The following RCC1 variants were observed in gnomAD, a reference collection of about 807,000 sequenced individuals.
The protein encoded by RCC1 is regulator of chromosome condensation 1, also known as regulator of chromosome condensation.
In RCC1, 11 loss-of-function variants were observed where a neutral mutation model predicts 44.4. The observed-to-expected ratio is 0.25, with a 90% CI of 0.16 to 0.41. The LOEUF (loss-of-function observed/expected upper bound fraction) is 0.41. Ranked by LOEUF, RCC1 falls within the 10% of genes least tolerant of loss-of-function variation. The pLI is 1.00. For synonymous variants in RCC1, 213 were observed against 216.5 expected, an observed-to-expected ratio of 0.98 and a Z score of 0.14; for missense variants, 386 against 547.1, an observed-to-expected ratio of 0.71 and a Z score of 2.94.
intron 7 of RCC1, among the ~76,000 whole-genome samples, chr1:28,534,647 ATTTTTGTAT>A (rs2124666517): frequency 6.6e-6 from 1 of 152,036 alleles, no homozygotes; most frequent in African/African-American, 2.4e-5. Flanking sequence ...CGCCCAGCTA[ATTTTTGTAT>A]TTTTTGTAGG....
chr1:28,526,449 C>T, intron 4 of RCC1: 1 of 510,866 alleles, frequency 2.0e-6, no homozygotes. Context: ...GTTTATGTGG[C>T]CCAAAGCACC....
At chr1:28,526,959 C>A (rs1430392780) in intron 4 of RCC1, 1 of 862,334 alleles carries the variant, frequency 1.2e-6, no homozygotes, top group Non-Finnish European at 2.0e-6. Context: ...TATTTCCCCT[C>A]AAAGTCATCA....
intron 4 of RCC1, among the ~76,000 whole-genome samples, chr1:28,529,165 G>A (rs1276587669): frequency 7.0e-6 from 1 of 143,016 alleles, no homozygotes; most frequent in Non-Finnish European, 1.5e-5. Context: ...TTACAGGCGT[G>A]AGCCACCGCG....
chr1:28,508,420 C>T (rs1662207296), intron 2 of RCC1: 1 of 379,884 alleles, frequency 2.6e-6, no homozygotes, highest in Non-Finnish European at 5.3e-6. Flanking sequence ...AAAAGCTGCC[C>T]TAGTGAACTG....
chr1:28,535,706 G>A, intron 9 of RCC1, 165 bp from the exon 10 acceptor site: 2 of 834,556 alleles, frequency 2.4e-6, no homozygotes, highest in South Asian at 2.8e-5. Flanking sequence ...ATCTGAGCAA[G>A]GCACTTGTAT....
rs765404213 is a variant in RCC1 at position 28,506,050 on chromosome 1, G to A, written c.-296G>A. 8.8e-6 allele frequency: 4 copies of A among 456,012 alleles called. No individual in the cohort carries two copies. The highest frequency in any genetic ancestry group is 1.3e-5 in the Non-Finnish European group (3 of 226,792). The allele number at this position is 456,012 out of a possible 1,614,324, so 28.2% of individuals were successfully genotyped here. A position where few individuals can be genotyped will look rare whatever the true frequency, so the allele number is the denominator to read the frequency against. Reference sequence around the variant, plus strand: ...GCTTCGCGTTTTCTCTCTCCTTTTTGGAGACAGATTCGCAGTGGTCGCTTC... The same window carrying A: ...GCTTCGCGTTTTCTCTCTCCTTTTTAGAGACAGATTCGCAGTGGTCGCTTC... On this transcript the variant is annotated 5_prime_UTR_variant, in exon 1 of 13. Transcript: ENST00000683442.
At position 28,533,914 on chromosome 1, in the gene RCC1, A is replaced by G. The variant is rs921749260; in HGVS notation, c.442-1136A>G. The stretch of plus-strand genomic sequence containing the variant: ...TTTTTTTGAGACAGAGTCTTGCTCT[A>G]TCACCCAGGTTGGAGTGCAATGACA... On this transcript the variant is annotated intron_variant, in intron 7 of 12. Coordinates refer to ENST00000683442, the MANE Select transcript of RCC1 (RefSeq NM_001381865.2). Among the ~76,000 whole-genome samples, 27 of 75,630 alleles carry G rather than the reference A, an allele frequency of 3.6e-4. No individual in the cohort carries two copies. In the Admixed American group the frequency reaches 5.2e-3, roughly 14 times the overall value. The allele number at this position is 75,630 out of a possible 152,430, so 49.6% of individuals were successfully genotyped here. A position where few individuals can be genotyped will look rare whatever the true frequency, so the allele number is the denominator to read the frequency against.
At chr1:28,537,562 G>A (rs1382616802) in intron 12 of RCC1, among the ~76,000 whole-genome samples, 3 of 152,226 alleles carry the variant, frequency 2.0e-5, no homozygotes, top group Non-Finnish European at 2.9e-5. Flanking sequence ...GGCTGGTCCT[G>A]GGAACAGAGG....
At chr1:28,520,369 A>G (rs892924052) in intron 4 of RCC1, among the ~76,000 whole-genome samples, 1 of 152,182 alleles carries the variant, frequency 6.6e-6, no homozygotes, top group African/African-American at 2.4e-5. Context: ...TCAGGGCAGG[A>G]GCACCAGGCT....
intron 5 of RCC1, chr1:28,530,433 C>G (rs943856774): frequency 1.6e-6 from 2 of 1,233,532 alleles, no homozygotes; most frequent in Non-Finnish European, 2.3e-6. Context: ...GTCCTGGGAC[C>G]CCGGAGGGGG....
intron 4 of RCC1, among the ~76,000 whole-genome samples, chr1:28,523,851 T>A (rs1261591490): frequency 6.6e-6 from 1 of 152,184 alleles, no homozygotes; most frequent in Non-Finnish European, 1.5e-5. Flanking sequence ...AGTTTCACTC[T>A]TGTTGCCCAG....
At position 28,536,869 on chromosome 1, in the gene RCC1, G is replaced by T; in HGVS notation, c.1060G>T (p.Ala354Ser). 1 of 1,614,094 alleles carries T rather than the reference G, an allele frequency of 6.2e-7. No homozygotes were observed. Among genetic ancestry groups the T allele is most frequent in the Non-Finnish European group, 8.5e-7 (1 of 1,180,012 alleles). ...TGCTGTCTCCTCGGTGGCTTGTGGGGCCTCTGTGGGGTATGCTGTGACCAA... is the reference window on the plus strand; with the variant it reads ...TGCTGTCTCCTCGGTGGCTTGTGGGTCCTCTGTGGGGTATGCTGTGACCAA... ...LPAVSSVACG[A>S]SVGYAVTKDG... The change falls in exon 12 of 13, where the codon GCC becomes TCC. Residue 354 changes from alanine (A) to serine (S), a missense_variant. Ala to Ser is a moderately conservative substitution (Grantham distance 99). Transcript: ENST00000683442. The surrounding 1 kb of genome is among the most constrained non-coding windows in gnomAD (Gnocchi z 4.9).
At chr1:28,520,740 CA>C (rs1663216152) in intron 4 of RCC1, among the ~76,000 whole-genome samples, 1 of 152,062 alleles carries the variant, frequency 6.6e-6, no homozygotes, top group Non-Finnish European at 1.5e-5. Context: ...TGCCAAAAGC[CA>C]ACTCCTTATT....
intron 4 of RCC1, among the ~76,000 whole-genome samples, chr1:28,521,737 A>G (rs1245821597): frequency 1.3e-5 from 2 of 152,004 alleles, no homozygotes; most frequent in Non-Finnish European, 2.9e-5. Context: ...TAGCTGCCTC[A>G]TTGTCTCCTC....
At chr1:28,508,708 C>T (rs185270443) in intron 2 of RCC1, 122 bp from the exon 3 acceptor site, 120 of 519,092 alleles carry the variant, frequency 2.3e-4, no homozygotes, top group Non-Finnish European at 4.3e-4. Context: ...ATTCCTACAG[C>T]TTCCCAGAGT....
chr1:28,529,108 C>T (rs557748353), intron 4 of RCC1, among the ~76,000 whole-genome samples: 49 of 147,146 alleles, frequency 3.3e-4, no homozygotes, highest in African/African-American at 1.2e-3. Context: ...CTCCTGACCT[C>T]AAGTGATCCA....
intron 3 of RCC1, chr1:28,510,321 G>C (rs1186826563): frequency 1.3e-5 from 2 of 152,230 alleles, no homozygotes; most frequent in Admixed American, 1.3e-4. Context: ...AAGCTAAGAG[G>C]AGTGAGGCAG....
chr1:28,511,128 A>G lies in RCC1; in HGVS notation c.-153+2223A>G, dbSNP rs565189330. On this transcript the variant is annotated intron_variant, in intron 3 of 12. Coordinates refer to ENST00000683442, the MANE Select transcript of RCC1 (RefSeq NM_001381865.2). ...TGTAGGCAGACAGTATTGGTTGCCTATCTTAGGAGTACTAGACTGGGTTTG... is the reference window on the plus strand; with the variant it reads ...TGTAGGCAGACAGTATTGGTTGCCTGTCTTAGGAGTACTAGACTGGGTTTG... Among the ~76,000 whole-genome samples the G allele has an allele frequency of 2.0e-4, 31 of 152,252 alleles. No homozygotes were observed. In the Middle Eastern group the frequency reaches 0.014, roughly 67 times the overall value.
intron 4 of RCC1, among the ~76,000 whole-genome samples, chr1:28,520,960 G>A (rs1663230454): frequency 6.6e-6 from 1 of 152,008 alleles, no homozygotes; most frequent in South Asian, 2.1e-4. Context: ...TGCGCCTGTA[G>A]TCCCAGCACT....
Sources: gnomAD v4.1 joint callset for allele counts (sites outside exome capture counted in the v4.1 genomes callset) on GRCh38, gnomAD v4.1.1 for gene constraint, Gnocchi (gnomAD v3.1) non-coding constraint, MANE v1.5 for transcripts, NCBI Gene and HGNC (gene_info 2026-07-23, HGNC 2026-07-21) for gene names.